The following PEAK1 variants were observed in gnomAD, a reference collection of about 807,000 sequenced individuals.
PEAK1 encodes the protein pseudopodium enriched atypical kinase 1.
Under a neutral mutation model 124.7 loss-of-function variants are expected in PEAK1, and 54 were observed. That is an observed-to-expected ratio of 0.43 (90% CI 0.35 to 0.54). The LOEUF is 0.54. Among genes scored for constraint, PEAK1 ranks in the 20% least tolerant of loss-of-function variants. PEAK1 has a pLI of 0.01. For missense variants in PEAK1, 2,046 were observed against 2,134.5 expected (o/e 0.96, Z 0.82); for synonymous variants, 719 against 760.0 (o/e 0.95, Z 0.89).
At chr15:77,411,243 T>C (rs1450465924) in intron 1 of PEAK1, among the ~76,000 whole-genome samples, 1 of 151,884 alleles carries the variant, frequency 6.6e-6, no homozygotes, top group African/African-American at 2.4e-5. Flanking sequence ...CATTTGATTG[T>C]ATGCAGTCTG....
At chr15:77,198,809 G>C (rs536687624) in intron 6 of PEAK1, among the ~76,000 whole-genome samples, 106 of 152,190 alleles carry the variant, frequency 7.0e-4, no homozygotes, top group African/African-American at 2.4e-3. Context: ...AAAAGATTTG[G>C]CTTAAAAAAT....
chr15:77,308,798 C>A (rs2064255551), intron 2 of PEAK1, among the ~76,000 whole-genome samples: 1 of 151,932 alleles, frequency 6.6e-6, no homozygotes, highest in Non-Finnish European at 1.5e-5. Context: ...GGTCCTGTAC[C>A]TTTCAACAAA....
At position 77,247,483 on chromosome 15, in the gene PEAK1, TTC is replaced by T. The variant is rs1161303144; in HGVS notation, c.-115+4882_-115+4883del. ...TTTTTTTTCTCTTTTTTCTTTTCTT[TTC>T]TTTTTTTTTTTTTTTTTTTTTGAGA... On this transcript the variant is annotated intron_variant, in intron 6 of 9. Transcript: ENST00000682557. Among the ~76,000 whole-genome samples, 450 of 96,040 alleles carry T rather than the reference TTC, an allele frequency of 4.7e-3. 4 individuals carry two copies. Among genetic ancestry groups the T allele is most frequent in the African/African-American group, 0.016 (416 of 26,432 alleles). 63.0% of individuals were successfully genotyped at this position (96,040 alleles called of 152,430 possible).
At chr15:77,184,573 A>G (rs137924613) in intron 6 of PEAK1, among the ~76,000 whole-genome samples, 18 of 152,364 alleles carry the variant, frequency 1.2e-4, no homozygotes, top group African/African-American at 3.1e-4. Flanking sequence ...CAGTGGTTAC[A>G]TAACTGCATA....
At chr15:77,174,062 T>TA (rs1218132532) in intron 7 of PEAK1, among the ~76,000 whole-genome samples, 1 of 152,226 alleles carries the variant, frequency 6.6e-6, no homozygotes, top group Non-Finnish European at 1.5e-5. Context: ...ATCAGACACA[T>TA]ATTTGAAGTT....
chr15:77,129,601 A>ATTT lies in PEAK1; in HGVS notation c.4077+3401_4077+3403dup, dbSNP rs11411981. On this transcript the variant is annotated intron_variant, in intron 9 of 9. Coordinates refer to ENST00000682557, the MANE Select transcript of PEAK1 (RefSeq NM_001385026.1). ...CAGGTGCCCGCCACAATGACTGGCTATTTTTTTTTTTTTTTTGTATTTTTA... is the reference window on the plus strand; with the variant it reads ...CAGGTGCCCGCCACAATGACTGGCTATTTTTTTTTTTTTTTTTTTGTATTTTTA... Among the ~76,000 whole-genome samples the ATTT allele has an allele frequency of 2.7e-4, 38 of 139,624 alleles. No individual in the cohort carries two copies. In the East Asian group the frequency reaches 3.4e-3, roughly 12 times the overall value. The allele number at this position is 139,624 out of a possible 152,430, so 91.6% of individuals were successfully genotyped here. A position where few individuals can be genotyped will look rare whatever the true frequency, so the allele number is the denominator to read the frequency against.
At chr15:77,162,097 A>G (rs1364183220) in intron 7 of PEAK1, among the ~76,000 whole-genome samples, 2 of 152,040 alleles carry the variant, frequency 1.3e-5, no homozygotes, top group Non-Finnish European at 2.9e-5. Context: ...GAGAAGGTTG[A>G]TTCAGTCACT....
intron 6 of PEAK1, among the ~76,000 whole-genome samples, chr15:77,236,145 T>C (rs7176254): frequency 0.27 from 41,294 of 152,140 alleles, 6,646 homozygotes; most frequent in Middle Eastern, 0.38. Context: ...CACTACTTAG[T>C]GGAGCTGTGA....
rs188490909 is a variant in PEAK1 at position 77,299,437 on chromosome 15, C to T, written c.-602-12933G>A. On this transcript the variant is annotated intron_variant, in intron 2 of 9. Coordinates refer to ENST00000682557, the MANE Select transcript of PEAK1 (RefSeq NM_001385026.1). ...AATATTCTCCCAAATAACCATAATA[C>T]GATCATCAAAATTGACAAATTAACA... 3.4e-4 allele frequency among the ~76,000 whole-genome samples: 52 copies of T among 152,266 alleles called. 1 individual carries two copies. The highest frequency in any genetic ancestry group is 1.1e-3 in the African/African-American group (46 of 41,562).
intron 1 of PEAK1, among the ~76,000 whole-genome samples, chr15:77,413,120 G>A (rs1411588419): frequency 1.3e-5 from 2 of 152,218 alleles, no homozygotes; most frequent in Non-Finnish European, 2.9e-5. Context: ...AGCAATAATT[G>A]CTGCAGGCAA....
intron 1 of PEAK1, among the ~76,000 whole-genome samples, chr15:77,372,865 C>CCTCT (rs144774435): frequency 7.3e-5 from 11 of 150,230 alleles, no homozygotes; most frequent in South Asian, 2.1e-4. Flanking sequence ...GCACCTTCCT[C>CCTCT]CTCTCTCTCT....
chr15:77,239,949 G>A (rs2060283007), intron 6 of PEAK1: 2 of 555,242 alleles, frequency 3.6e-6, no homozygotes, highest in Non-Finnish European at 4.6e-6. Flanking sequence ...AAAATACTAT[G>A]ACAAATAGAT....
intron 2 of PEAK1, chr15:77,348,592 GA>G: frequency 1.0e-6 from 1 of 979,308 alleles, no homozygotes; most frequent in South Asian, 4.7e-5. Flanking sequence ...AAAGCAGGCA[GA>G]AAAAGGGCTA....
chr15:77,181,626 T>C lies in PEAK1; in HGVS notation c.301A>G (p.Ile101Val), dbSNP rs1372293616. 1.2e-6 allele frequency: 2 copies of C among 1,614,172 alleles called. No individual in the cohort carries two copies. Among genetic ancestry groups the C allele is most frequent in the Non-Finnish European group, 1.7e-6 (2 of 1,180,012 alleles). ...GCTCTGTTTCGGTTCCACCCTATGA[T>C]GACAGGTTTGTTCTCACAGTGTTCT... is the stretch of plus-strand genomic sequence containing the variant. ...IQEHCENKPVIIGWNRNRAAL... is the reference protein window; with the variant it reads ...IQEHCENKPVVIGWNRNRAAL... The change falls in exon 7 of 10, where the codon ATC (isoleucine) becomes GTC (valine). Residue 101 changes from isoleucine to valine, a missense_variant. Transcript: ENST00000682557.
chr15:77,302,690 T>C (rs2063851254), intron 2 of PEAK1, among the ~76,000 whole-genome samples: 1 of 152,162 alleles, frequency 6.6e-6, no homozygotes, highest in Admixed American at 6.5e-5. Flanking sequence ...CTCCCTTCAG[T>C]GAGATTATTG....
intron 9 of PEAK1, among the ~76,000 whole-genome samples, chr15:77,130,192 A>C (rs1257959323): frequency 1.3e-5 from 2 of 152,186 alleles, no homozygotes; most frequent in Non-Finnish European, 2.9e-5. Context: ...CCTACTTCTC[A>C]ACTGTTTTGA....
chr15:77,294,321 TTAAA>T (rs2063374689), intron 2 of PEAK1, among the ~76,000 whole-genome samples: 1 of 152,186 alleles, frequency 6.6e-6, no homozygotes, highest in South Asian at 2.1e-4. Context: ...ATAATTTTAT[TTAAA>T]TAATATAAAA....
chr15:77,259,632 G>A (rs1003724360), intron 5 of PEAK1, among the ~76,000 whole-genome samples: 1 of 151,958 alleles, frequency 6.6e-6, no homozygotes, highest in Non-Finnish European at 1.5e-5. Flanking sequence ...TGACCATGAG[G>A]GATTAAACAG....
At chr15:77,226,730 G>A (rs1460991619) in intron 6 of PEAK1, among the ~76,000 whole-genome samples, 1 of 152,054 alleles carries the variant, frequency 6.6e-6, no homozygotes, top group African/African-American at 2.4e-5. Context: ...TGAAAACTGA[G>A]GATAATGTCA....
Sources: gnomAD v4.1 joint callset for allele counts (sites outside exome capture counted in the v4.1 genomes callset) on GRCh38, gnomAD v4.1.1 for gene constraint, MANE v1.5 for transcripts, NCBI Gene and HGNC (gene_info 2026-07-23, HGNC 2026-07-21) for gene names.